Variants in GRM7 observed in about 807,000 individuals in gnomAD.
GRM7 encodes glutamate metabotropic receptor 7, also known as metabotropic glutamate receptor 7.
In GRM7, 35 loss-of-function variants were observed where a neutral mutation model predicts 84.5. The observed-to-expected ratio is 0.41, with a 90% CI of 0.32 to 0.55. The LOEUF is 0.55. GRM7 is among the 20% of genes least tolerant of loss of function. The pLI, the probability that GRM7 is intolerant of heterozygous loss-of-function variation, is 0.19. For synonymous variants in GRM7, 487 were observed against 455.1 expected (o/e 1.07, Z -0.89); for missense variants, 1,003 against 1,194.6 (o/e 0.84, Z 2.36).
intron 7 of GRM7, among the ~76,000 whole-genome samples, chr3:7,541,894 C>T (rs79307188): frequency 0.033 from 4,999 of 152,236 alleles, 292 homozygotes; most frequent in African/African-American, 0.11. Context: ...AAGAGCATTG[C>T]CATACTCTAT....
chr3:7,229,754 TATA>T (rs1559514714), intron 2 of GRM7, among the ~76,000 whole-genome samples: 83 of 33,224 alleles, frequency 2.5e-3, no homozygotes, highest in Non-Finnish European at 4.2e-3. Flanking sequence ...TATATATATA[TATA>T]TATTTTTTTT....
At chr3:7,087,691 G>A (rs564554689) in intron 1 of GRM7, among the ~76,000 whole-genome samples, 1 of 151,818 alleles carries the variant, frequency 6.6e-6, no homozygotes, top group East Asian at 2.0e-4. Context: ...TGTTCTGAGA[G>A]CTGAAAGCTC....
intron 1 of GRM7, among the ~76,000 whole-genome samples, chr3:6,937,250 T>C (rs923238842): frequency 2.6e-5 from 4 of 152,224 alleles, no homozygotes; most frequent in Non-Finnish European, 5.9e-5. Flanking sequence ...TGTTTTACAA[T>C]TGGGAATTCC....
At chr3:7,062,806 T>C (rs1276456404) in intron 1 of GRM7, among the ~76,000 whole-genome samples, 3 of 151,914 alleles carry the variant, frequency 2.0e-5, no homozygotes, top group East Asian at 1.9e-4. Context: ...TGGCCAAATA[T>C]AGTGCACAAG....
chr3:7,601,034 C>G (rs546729750), intron 8 of GRM7, among the ~76,000 whole-genome samples: 1 of 152,224 alleles, frequency 6.6e-6, no homozygotes, highest in Admixed American at 6.6e-5. Flanking sequence ...GCCATGGAGT[C>G]TTTGCACATG....
At chr3:7,596,941 A>G (rs1469129798) in intron 8 of GRM7, among the ~76,000 whole-genome samples, 2 of 152,206 alleles carry the variant, frequency 1.3e-5, no homozygotes, top group East Asian at 3.9e-4. Flanking sequence ...AGGAAACTTA[A>G]AAGTTCAGAA....
At chr3:7,171,831 A>C (rs1360576852) in intron 2 of GRM7, among the ~76,000 whole-genome samples, 1 of 152,236 alleles carries the variant, frequency 6.6e-6, no homozygotes, top group East Asian at 1.9e-4. Flanking sequence ...AGTGCATCAC[A>C]TGCTGTTGGG....
chr3:6,994,627 G>A (rs902797312), intron 1 of GRM7, among the ~76,000 whole-genome samples: 6 of 152,172 alleles, frequency 3.9e-5, no homozygotes, highest in African/African-American at 1.4e-4. Context: ...TTCTGGACAT[G>A]GTGATTCCTT....
At chr3:7,337,171 G>A (rs1485460506) in intron 4 of GRM7, among the ~76,000 whole-genome samples, 4 of 151,994 alleles carry the variant, frequency 2.6e-5, no homozygotes, top group African/African-American at 9.7e-5. Context: ...ATGGAGAAAG[G>A]ACACCCTATT....
intron 2 of GRM7, among the ~76,000 whole-genome samples, chr3:7,210,019 C>A (rs1223961675): frequency 6.6e-6 from 1 of 152,102 alleles, no homozygotes; most frequent in Non-Finnish European, 1.5e-5. Flanking sequence ...ACCATTCTTG[C>A]AGAGAGGATC....
At chr3:7,250,851 A>G (rs1697958609) in intron 2 of GRM7, among the ~76,000 whole-genome samples, 1 of 152,192 alleles carries the variant, frequency 6.6e-6, no homozygotes, top group Admixed American at 6.5e-5. Context: ...TTAATGGCCA[A>G]CTGGTGAGAT....
intron 1 of GRM7, among the ~76,000 whole-genome samples, chr3:7,093,232 A>AC (rs147998254): frequency 0.074 from 11,194 of 152,164 alleles, 514 homozygotes; most frequent in African/African-American, 0.14. Flanking sequence ...GAGGCAACTA[A>AC]GGCCCAGTTT....
chr3:7,322,653 A>G (rs1700828121), intron 4 of GRM7, among the ~76,000 whole-genome samples: 1 of 151,092 alleles, frequency 6.6e-6, no homozygotes, highest in African/African-American at 2.4e-5. Context: ...AGAAAATATG[A>G]TATTTGTTTT....
intron 7 of GRM7, among the ~76,000 whole-genome samples, chr3:7,570,172 C>A (rs1383103553): frequency 1.3e-5 from 2 of 152,120 alleles, no homozygotes; most frequent in Admixed American, 6.5e-5. Flanking sequence ...GGTGGGGATA[C>A]AGCCAAACCA....
At chr3:6,915,329 T>C (rs1490628584) in intron 1 of GRM7, among the ~76,000 whole-genome samples, 1 of 152,206 alleles carries the variant, frequency 6.6e-6, no homozygotes. Flanking sequence ...GTCGTTGCTG[T>C]TGTGCTCTGC....
chr3:7,357,371 A>G (rs1360348467), intron 4 of GRM7, among the ~76,000 whole-genome samples: 5 of 152,022 alleles, frequency 3.3e-5, no homozygotes, highest in African/African-American at 9.7e-5. Context: ...CCTCTTAATT[A>G]CAATCACTTT....
chr3:6,975,579 C>T (rs1257731778), intron 1 of GRM7, among the ~76,000 whole-genome samples: 1 of 152,158 alleles, frequency 6.6e-6, no homozygotes, highest in Non-Finnish European at 1.5e-5. Context: ...AAATGAAGTA[C>T]ACACCTATGT....
intron 8 of GRM7, among the ~76,000 whole-genome samples, chr3:7,630,493 T>C (rs1482226313): frequency 6.6e-6 from 1 of 152,144 alleles, no homozygotes; most frequent in Non-Finnish European, 1.5e-5. Flanking sequence ...ACCTCTTCCT[T>C]GATCAGAGGA....
intron 9 of GRM7, among the ~76,000 whole-genome samples, chr3:7,729,998 C>T (rs1702257406): frequency 6.6e-6 from 1 of 151,638 alleles, no homozygotes; most frequent in African/African-American, 2.4e-5. Context: ...CCTCAGTCTC[C>T]CAAGTAGCTG....
Sources: gnomAD v4.1 joint callset for allele counts (sites outside exome capture counted in the v4.1 genomes callset) on GRCh38, gnomAD v4.1.1 for gene constraint, MANE v1.5 for transcripts, NCBI Gene and HGNC (gene_info 2026-07-23, HGNC 2026-07-21) for gene names.